TTC19: variants seen among roughly 807,000 people sequenced by gnomAD.
The protein encoded by TTC19 is tetratricopeptide repeat protein 19, mitochondrial.
In TTC19, 38 loss-of-function variants were observed where a neutral mutation model predicts 49.5. The ratio of observed to expected loss-of-function variants is 0.77; its 90% CI spans 0.59 to 1.01. TTC19 has a LOEUF of 1.01. Ranked by LOEUF, TTC19 falls within the 50% of genes least tolerant of loss-of-function variation. TTC19 has a pLI of 0.00. For synonymous variants in TTC19, 204 were observed against 185.2 expected (o/e 1.10, Z -0.83); for missense variants, 475 against 477.7 (o/e 0.99, Z 0.05).
downstream of TTC19, among the ~76,000 whole-genome samples, chr17:16,033,582 A>G (rs377499796): frequency 4.6e-5 from 7 of 152,270 alleles, no homozygotes; most frequent in East Asian, 5.8e-4. Context: ...TTTCAGTGAC[A>G]TATTTGTATT....
chr17:16,044,658 C>A, exon 3 of TTC19: 1 of 653,120 alleles, frequency 1.5e-6, no homozygotes, highest in Non-Finnish European at 2.9e-6. Context: ...ATCTACTCAG[C>A]CCTCACTCTG....
rs747312532 is a variant in TTC19 at position 16,027,414 on chromosome 17, GAAGC to G, written c.1042_1045del (p.Ala348SerfsTer2). The G allele has an allele frequency of 2.5e-6, 4 of 1,614,104 alleles. No homozygotes were observed. Among genetic ancestry groups the G allele is most frequent in the Non-Finnish European group, 3.4e-6 (4 of 1,179,970 alleles). ...CAAAAGAGATCTACCAGGAAGCACT[GAAGC>G]AAGCAAAGCTGAAAAAAGATGAAAT... On this transcript the variant is annotated frameshift_variant, in exon 10 of 10. Transcript: ENST00000261647. LOFTEE classifies it high-confidence loss of function.
downstream of TTC19, chr17:16,032,537 C>T: frequency 6.7e-7 from 1 of 1,488,688 alleles, no homozygotes. Context: ...GGTATTTCAT[C>T]CAATCCAACT....
rs537078907 is a variant in TTC19 at position 16,011,103 on chromosome 17, C to G, written c.676+4535C>G. 1.9e-4 allele frequency among the ~76,000 whole-genome samples: 29 copies of G among 152,338 alleles called. 1 individual carries two copies. The highest frequency in any genetic ancestry group is 6.7e-4 in the African/African-American group (28 of 41,572). ...TGCTTTCTTCAATTCATAAGCTTTC[C>G]CAGTATTCTAGAGTTCATGTTGGCT... On this transcript the variant is annotated intron_variant, in intron 7 of 9. Coordinates refer to ENST00000261647, the MANE Select transcript of TTC19 (RefSeq NM_017775.4).
At chr17:16,002,097 G>A in intron 3 of TTC19, 72 bp downstream of exon 3, 2 of 997,562 alleles carry the variant, frequency 2.0e-6, no homozygotes, top group East Asian at 2.4e-5. Context: ...TAGTTCTTCT[G>A]ATTTATATTC....
downstream of TTC19, among the ~76,000 whole-genome samples, chr17:16,032,939 G>C (rs1972519424): frequency 6.6e-6 from 1 of 152,136 alleles, no homozygotes; most frequent in South Asian, 2.1e-4. Flanking sequence ...AATCTCACTG[G>C]GCAGATTTTA....
At chr17:16,012,316 C>T (rs1436632678) in intron 7 of TTC19, among the ~76,000 whole-genome samples, 1 of 152,002 alleles carries the variant, frequency 6.6e-6, no homozygotes, top group African/African-American at 2.4e-5. Context: ...TGGCAAAACC[C>T]CATGTTTACA....
chr17:16,040,415 G>T (rs754354973), intron 2 of TTC19: 25 of 1,607,698 alleles, frequency 1.6e-5, no homozygotes, highest in Non-Finnish European at 2.1e-5. Flanking sequence ...ATTTTGTATT[G>T]GTAAATAATG....
At chr17:16,016,740 T>C (rs1346098783) in intron 7 of TTC19, among the ~76,000 whole-genome samples, 1 of 152,116 alleles carries the variant, frequency 6.6e-6, no homozygotes, top group Non-Finnish European at 1.5e-5. Flanking sequence ...GTATTTTTAG[T>C]TGAGATCGGG....
exon 3 of TTC19, chr17:16,044,787 T>A: frequency 9.2e-7 from 1 of 1,087,924 alleles, no homozygotes; most frequent in Non-Finnish European, 1.4e-6. Flanking sequence ...AATGTCAACA[T>A]TGGGAGCCTC....
At position 16,006,475 on chromosome 17, in the gene TTC19, C is replaced by T. The variant is rs764720544; in HGVS notation, c.583C>T (p.Gln195Ter). 8.1e-6 allele frequency: 13 copies of T among 1,604,622 alleles called. No homozygotes were observed. The African/African-American group carries it at 1.1e-4, about 13-fold the overall frequency. ...LASIYAAQNR[Q>*]EFAVAGYEFC... is the part of the protein sequence containing the mutation. The stretch of plus-strand genomic sequence containing the variant: ...CTGATTATTGATTTTGCTTTACAGA[C>T]AGGAATTTGCTGTTGCTGGCTATGA... The change falls in exon 7 of 10, where the codon CAG (glutamine) becomes TAG (stop). Residue 195 changes from glutamine to a stop codon, truncating the protein, a stop_gained and splice_region_variant. Coordinates refer to ENST00000261647, the MANE Select transcript of TTC19 (RefSeq NM_017775.4). LOFTEE classifies it high-confidence loss of function.
In TTC19 at chr17:16,026,571, C is replaced by A. The variant is rs964860701; in HGVS notation, c.863C>A (p.Thr288Asn). The change falls in exon 9 of 10, where the codon ACC becomes AAC. Residue 288 changes from threonine (T) to asparagine (N), a missense_variant. Coordinates refer to ENST00000261647, the MANE Select transcript of TTC19 (RefSeq NM_017775.4). Reference sequence around the variant, plus strand: ...GTGCTGATGAGTGACCTGGCTACTACCCTGGATGCACAGGGCCGCTTTGAT... The same window carrying A: ...GTGCTGATGAGTGACCTGGCTACTAACCTGGATGCACAGGGCCGCTTTGAT... ...TIVLMSDLAT[T>N]LDAQGRFDEA... 6.2e-7 allele frequency: 1 copy of A among 1,614,004 alleles called. No individual in the cohort carries two copies. The highest frequency in any genetic ancestry group is 8.5e-7 in the Non-Finnish European group (1 of 1,180,004).
downstream of TTC19, chr17:16,032,397 C>T (rs1256113915): frequency 1.2e-6 from 2 of 1,614,140 alleles, no homozygotes; most frequent in Non-Finnish European, 1.7e-6. Context: ...GCTTGGTTCA[C>T]CGCAGAGGGA....
chr17:16,031,581 T>C (rs749391513), downstream of TTC19: 8 of 221,594 alleles, frequency 3.6e-5, no homozygotes, highest in Non-Finnish European at 6.3e-5. Context: ...CATGCAGTAA[T>C]ATTTTTTCAG....
At chr17:16,002,866 G>T (rs1200267000) in intron 4 of TTC19, 35 bp downstream of exon 4, 2 of 1,598,368 alleles carry the variant, frequency 1.3e-6, no homozygotes, top group Non-Finnish European at 1.7e-6. Context: ...TTGAATTTAT[G>T]AAGGAGTAGC....
At chr17:16,027,115 G>A (rs1971585292) in intron 9 of TTC19, 4 of 540,062 alleles carry the variant, frequency 7.4e-6, no homozygotes, top group South Asian at 2.1e-5. Flanking sequence ...GGGATGACAG[G>A]TGTATTACAC....
intron 7 of TTC19, among the ~76,000 whole-genome samples, chr17:16,011,469 G>A (rs911809860): frequency 4.6e-5 from 7 of 152,192 alleles, no homozygotes; most frequent in South Asian, 2.1e-4. Context: ...CACCGCGCCC[G>A]GCCGCGTTAT....
At position 16,002,802 on chromosome 17, in the gene TTC19, T is replaced by G. The variant is rs963838475; in HGVS notation, c.433T>G (p.Leu145Val). The change falls in exon 4 of 10, where the codon TTA (leucine) becomes GTA (valine). Residue 145 changes from leucine (L) to valine (V), a missense_variant. Physicochemically the swap from Leu to Val is conservative, Grantham distance 32. Coordinates refer to ENST00000261647, the MANE Select transcript of TTC19 (RefSeq NM_017775.4). Reference sequence around the variant, plus strand: ...TGTAATTTGCTTTCAGATGGCCAACTTAGCATTTATACGGGGTCAGCTTGA... The same window carrying G: ...TGTAATTTGCTTTCAGATGGCCAACGTAGCATTTATACGGGGTCAGCTTGA... Reference protein sequence around the residue: ...ITYTYDLMANLAFIRGQLENA... With the variant: ...ITYTYDLMANVAFIRGQLENA... 5.0e-6 allele frequency: 8 copies of G among 1,613,964 alleles called. No homozygotes were observed. The highest frequency in any genetic ancestry group is 1.7e-5 in the Admixed American group (1 of 60,010).
At position 16,027,332 on chromosome 17, in the gene TTC19, TAC is replaced by T. The variant is rs995110817; in HGVS notation, c.995-39_995-38del. 6 of 1,610,880 alleles carry T rather than the reference TAC, an allele frequency of 3.7e-6. No homozygotes were observed. The African/African-American group carries it at 8.0e-5, about 22-fold the overall frequency. ...TCTCTTCAGAATCACCTTGAAAACATACACTTTCTTCTTACTGTCCCTTCTCT... is the reference window on the plus strand; with the variant it reads ...TCTCTTCAGAATCACCTTGAAAACATACTTTCTTCTTACTGTCCCTTCTCT... On this transcript the variant is annotated intron_variant, in intron 9 of 9. Coordinates refer to ENST00000261647, the MANE Select transcript of TTC19 (RefSeq NM_017775.4).
Sources: allele counts gnomAD v4.1 joint callset (sites outside exome capture counted in the v4.1 genomes callset), GRCh38; gene constraint gnomAD v4.1.1; transcripts MANE v1.5; gene names NCBI Gene and HGNC (gene_info 2026-07-23, HGNC 2026-07-21).